The following IGDCC3 variants were observed in gnomAD, a reference collection of about 807,000 sequenced individuals.
IGDCC3 encodes the protein putative neuronal cell adhesion molecule.
Under a neutral mutation model 72.0 loss-of-function variants are expected in IGDCC3, and 47 were observed. That is an observed-to-expected ratio of 0.65 (90% CI 0.52 to 0.83). The LOEUF is 0.83. Ranked by LOEUF, IGDCC3 falls within the 40% of genes least tolerant of loss-of-function variation. IGDCC3 has a pLI of 0.00. For missense variants in IGDCC3, 1,038 were observed against 1,091.3 expected (o/e 0.95, Z 0.69); for synonymous variants, 477 against 472.8 (o/e 1.01, Z -0.11).
intron 2 of IGDCC3, among the ~76,000 whole-genome samples, chr15:65,346,097 G>A (rs1484826883): frequency 1.3e-5 from 2 of 152,146 alleles, no homozygotes; most frequent in African/African-American, 2.4e-5. Flanking sequence ...GCTTCACTTC[G>A]ACTCCCCCAG....
intron 6 of IGDCC3, among the ~76,000 whole-genome samples, chr15:65,332,481 A>G (rs2090986750): frequency 6.6e-6 from 1 of 152,180 alleles, no homozygotes; most frequent in Non-Finnish European, 1.5e-5. Flanking sequence ...GAGATGGATG[A>G]GCCTCAGTAC....
At chr15:65,375,435 G>C in intron 1 of IGDCC3, 33 bp from the exon 2 acceptor site, 1 of 1,536,630 alleles carries the variant, frequency 6.5e-7, no homozygotes, top group Middle Eastern at 2.1e-4. Context: ...GAAGGAAATA[G>C]GGGTGTTAGT....
chr15:65,345,695 G>A (rs1023623217), intron 2 of IGDCC3, among the ~76,000 whole-genome samples: 2 of 152,144 alleles, frequency 1.3e-5, no homozygotes, highest in African/African-American at 4.8e-5. Context: ...AGGATCTTAG[G>A]TCACTGTCAC....
At chr15:65,360,770 CCTTT>C (rs2091255146) in intron 2 of IGDCC3, among the ~76,000 whole-genome samples, 1 of 152,008 alleles carries the variant, frequency 6.6e-6, no homozygotes, top group African/African-American at 2.4e-5. Context: ...GCATCTGGGC[CCTTT>C]CTTTCTTTTC....
chr15:65,377,768 C>G lies in IGDCC3; in HGVS notation c.21G>C (p.Ala7=). The change falls in exon 1 of 14, where the codon GCG becomes GCC. Residue 7 remains alanine, a synonymous_variant. Coordinates refer to ENST00000327987, the MANE Select transcript of IGDCC3 (RefSeq NM_004884.4). This position sits in a 1 kb window ranked among gnomAD's most constrained non-coding sequence, Gnocchi z 4.9. Reference sequence around the variant, plus strand: ...GCGGGGCGGGCGGGCGGCGCGGAGACGCGGCGCGCTGCACAGCCATGGGGC... The same window carrying G: ...GCGGGGCGGGCGGGCGGCGCGGAGAGGCGGCGCGCTGCACAGCCATGGGGC... MAVQRA[A]SPRRPPAPLW... 1 of 1,299,828 alleles carries G rather than the reference C, an allele frequency of 7.7e-7. No individual in the cohort carries two copies. The highest frequency in any genetic ancestry group is 9.7e-7 in the Non-Finnish European group (1 of 1,029,556). The allele number at this position is 1,299,828 out of a possible 1,614,324, so 80.5% of individuals were successfully genotyped here.
Position 65,377,729 on chromosome 15 carries a change from G to A in IGDCC3, c.60C>T (p.Leu20=), listed in dbSNP as rs1442449878. The A allele has an allele frequency of 1.0e-5, 14 of 1,371,928 alleles. No homozygotes were observed. The highest frequency in any genetic ancestry group is 7.6e-5 in the African/African-American group (5 of 65,978). The allele number at this position is 1,371,928 out of a possible 1,614,324, so 85.0% of individuals were successfully genotyped here. A position where few individuals can be genotyped will look rare whatever the true frequency, so the allele number is the denominator to read the frequency against. ...RRPPAPLWPR[L]LLPLLLLLLP... is the part of the protein sequence containing the mutation. ...GCAGCAGCAACAGCAGCGGCAGCAG[G>A]AGCCGGGGCCAGAGCGGGGCGGGCG... The change falls in exon 1 of 14, where the codon CTC becomes CTT. Residue 20 remains leucine, a synonymous_variant. Coordinates refer to ENST00000327987, the MANE Select transcript of IGDCC3 (RefSeq NM_004884.4). The surrounding 1 kb of genome is among the most constrained non-coding windows in gnomAD (Gnocchi z 4.9).
intron 4 of IGDCC3, 148 bp from the exon 5 acceptor site, chr15:65,335,013 C>T (rs960986378): frequency 6.9e-6 from 7 of 1,009,868 alleles, no homozygotes; most frequent in East Asian, 5.3e-5. Context: ...GAGACCAGGA[C>T]GTTCCAGACA....
rs59469647 is a variant in IGDCC3 at position 65,333,811 on chromosome 15, TG to T, written c.824-397del. On this transcript the variant is annotated intron_variant, in intron 5 of 13. Transcript: ENST00000327987. Reference sequence around the variant, plus strand: ...CATCACAGTGCCCCTGTGACCTGGTTGGGGGGGGAACCCGGTTAACTTTGTT... The same window carrying T: ...CATCACAGTGCCCCTGTGACCTGGTTGGGGGGGAACCCGGTTAACTTTGTT... Among the ~76,000 whole-genome samples the T allele has an allele frequency of 2.1e-3, 315 of 152,072 alleles. 2 individuals are homozygous for T. The highest frequency in any genetic ancestry group is 6.9e-3 in the African/African-American group (285 of 41,490).
In IGDCC3 at chr15:65,329,135, G is replaced by A. The variant is rs751696023; in HGVS notation, c.2219C>T (p.Ala740Val). 5 of 1,607,584 alleles carry A rather than the reference G, an allele frequency of 3.1e-6. 1 individual carries two copies. Among genetic ancestry groups the A allele is most frequent in the African/African-American group, 2.7e-5 (2 of 74,772 alleles). ...PDPRPTQDPA[A>V]PAPCEETQLS... ...CTGGGTCTCCTCACACGGAGCGGGG[G>A]CTGCAGGATCCTGCTGGGGAAAGAG... Residue 740 changes from alanine to valine, a missense_variant, in exon 14 of 14, where the codon GCC becomes GTC. Transcript: ENST00000327987. This position sits in a 1 kb window ranked among gnomAD's most constrained non-coding sequence, Gnocchi z 4.1.
At chr15:65,336,970 C>T (rs1311953110) in intron 2 of IGDCC3, among the ~76,000 whole-genome samples, 1 of 152,110 alleles carries the variant, frequency 6.6e-6, no homozygotes, top group East Asian at 1.9e-4. Context: ...TCGTCTCAGG[C>T]ACTCCATCAA....
rs755628536 is a variant in IGDCC3 at position 65,330,285 on chromosome 15, G to T, written c.1858+8C>A. 2.5e-6 allele frequency: 4 copies of T among 1,600,676 alleles called. No individual in the cohort carries two copies. The highest frequency in any genetic ancestry group is 3.4e-6 in the Non-Finnish European group (4 of 1,169,006). ...CACTCAGCCCCGCACTCCATCCCCAGCCCTCACCTGTCCTCTCAGATGCTC... is the reference window on the plus strand; with the variant it reads ...CACTCAGCCCCGCACTCCATCCCCATCCCTCACCTGTCCTCTCAGATGCTC... On this transcript the variant is annotated splice_region_variant and intron_variant, in intron 11 of 13. Coordinates refer to ENST00000327987, the MANE Select transcript of IGDCC3 (RefSeq NM_004884.4).
intron 2 of IGDCC3, among the ~76,000 whole-genome samples, chr15:65,341,376 G>C (rs2091079803): frequency 6.6e-6 from 1 of 151,952 alleles, no homozygotes; most frequent in Non-Finnish European, 1.5e-5. Context: ...CCCACTTCTG[G>C]GTATATACCC....
chr15:65,327,604 CTTCT>C lies in IGDCC3; in HGVS notation c.*1301_*1304del, dbSNP rs1208012501. The stretch of plus-strand genomic sequence containing the variant: ...TTTGTTTCCTTGGTTTTCTTTTCTT[CTTCT>C]TTAACTAAGTAGTTCAAAGAACAAC... On this transcript the variant is annotated 3_prime_UTR_variant, in exon 14 of 14. Coordinates refer to ENST00000327987, the MANE Select transcript of IGDCC3 (RefSeq NM_004884.4). 4 of 152,606 alleles carry C rather than the reference CTTCT, an allele frequency of 2.6e-5. No homozygotes were observed. The highest frequency in any genetic ancestry group is 1.9e-4 in the East Asian group (1 of 5,188). 9.5% of individuals were successfully genotyped at this position (152,606 alleles called of 1,614,324 possible).
chr15:65,329,855 G>A lies in IGDCC3; in HGVS notation c.1868C>T (p.Pro623Leu). The change falls in exon 12 of 14, where the codon CCA (proline) becomes CTA (leucine). Residue 623 changes from proline (P) to leucine (L), a missense_variant. By Grantham distance (98) the Pro-to-Leu change is moderately conservative (BLOSUM62 -3). Transcript: ENST00000327987. The surrounding 1 kb of genome is among the most constrained non-coding windows in gnomAD (Gnocchi z 4.1). ...CTCCTCCTTCCGGCAGTCACATGGT[G>A]GGCTCAAGGCTGGGGACAGGGACGG... Reference protein sequence around the residue: ...RGASERTALSPPCDCRKEEAA... With the variant: ...RGASERTALSLPCDCRKEEAA... The A allele has an allele frequency of 6.2e-7, 1 of 1,613,968 alleles. No homozygotes were observed. Among genetic ancestry groups the A allele is most frequent in the South Asian group, 1.1e-5 (1 of 91,078 alleles).
chr15:65,341,191 A>G (rs1368290990), intron 2 of IGDCC3, among the ~76,000 whole-genome samples: 2 of 152,268 alleles, frequency 1.3e-5, no homozygotes, highest in East Asian at 3.8e-4. Flanking sequence ...AATCAAAACT[A>G]CAATGGGATG....
chr15:65,349,811 C>G (rs2091157968), intron 2 of IGDCC3, among the ~76,000 whole-genome samples: 1 of 152,154 alleles, frequency 6.6e-6, no homozygotes. Context: ...TAGTTAAAAG[C>G]TTTTGCAAGC....
intron 2 of IGDCC3, among the ~76,000 whole-genome samples, chr15:65,371,990 C>T (rs2091328392): frequency 6.6e-6 from 1 of 152,246 alleles, no homozygotes; most frequent in South Asian, 2.1e-4. Context: ...TCCCTGATAG[C>T]TTTCCCTGGA....
chr15:65,377,565 C>T lies in IGDCC3; in HGVS notation c.103+121G>A, dbSNP rs139683222. ...CCGGATCCGCAGGGTCCCCCCCGCG[C>T]GGGGTCCGCCCTCAGGTCCGCGCCG... On this transcript the variant is annotated intron_variant, in intron 1 of 13. Transcript: ENST00000327987. The surrounding 1 kb of genome is among the most constrained non-coding windows in gnomAD (Gnocchi z 4.9). The T allele has an allele frequency of 1.8e-3, 1,819 of 1,019,032 alleles. 31 individuals are homozygous for T. In the African/African-American group the frequency reaches 0.025, roughly 14 times the overall value. 63.1% of individuals were successfully genotyped at this position (1,019,032 alleles called of 1,614,324 possible).
At chr15:65,330,264 C>T in intron 11 of IGDCC3, 29 bp downstream of exon 11, 2 of 1,516,446 alleles carry the variant, frequency 1.3e-6, no homozygotes, top group Non-Finnish European at 1.8e-6. Flanking sequence ...CCCACCCACT[C>T]AGCCCCGCAC....
Sources: gnomAD v4.1 joint callset for allele counts (sites outside exome capture counted in the v4.1 genomes callset) on GRCh38, gnomAD v4.1.1 for gene constraint, Gnocchi (gnomAD v3.1) non-coding constraint, MANE v1.5 for transcripts, NCBI Gene and HGNC (gene_info 2026-07-23, HGNC 2026-07-21) for gene names.